Variants in CCDC169 observed in about 807,000 individuals in gnomAD.
CCDC169 encodes the protein coiled-coil domain containing 169.
CCDC169 carries 30 observed loss-of-function variants against 36.0 expected under a neutral mutation model. That is an observed-to-expected ratio of 0.83 (90% CI 0.62 to 1.13). The LOEUF (loss-of-function observed/expected upper bound fraction) is 1.13, where lower values mean the gene tolerates loss of function less well. CCDC169 is among the 50% of genes most tolerant of loss of function. The pLI, the probability that CCDC169 is intolerant of heterozygous loss-of-function variation, is 0.00. For synonymous variants in CCDC169, 85 were observed against 81.5 expected, an observed-to-expected ratio of 1.04 and a Z score of -0.23; for missense variants, 245 against 245.9, an observed-to-expected ratio of 1.00 and a Z score of 0.03.
chr13:36,290,708 A>T (rs1195018591), intron 2 of CCDC169, among the ~76,000 whole-genome samples: 1 of 152,200 alleles, frequency 6.6e-6, no homozygotes, highest in Non-Finnish European at 1.5e-5. Flanking sequence ...ACTCAACTTT[A>T]TAATCTTATT....
intron 7 of CCDC169, among the ~76,000 whole-genome samples, chr13:36,234,003 G>A (rs1870765757): frequency 6.6e-6 from 1 of 152,112 alleles, no homozygotes. Flanking sequence ...TTAAAAGTCT[G>A]AGAAGAAACA....
intron 4 of CCDC169, among the ~76,000 whole-genome samples, chr13:36,258,049 T>C (rs1594037606): frequency 6.6e-6 from 1 of 151,154 alleles, no homozygotes; most frequent in Admixed American, 6.6e-5. Flanking sequence ...GCTACTAGGG[T>C]GATTTTTTTG....
At chr13:36,241,398 AC>A (rs1366297717) in intron 7 of CCDC169, among the ~76,000 whole-genome samples, 1 of 152,144 alleles carries the variant, frequency 6.6e-6, no homozygotes, top group African/African-American at 2.4e-5. Flanking sequence ...ATTATTATTC[AC>A]TTCTTCCTTT....
At chr13:36,227,381 G>A, downstream of CCDC169, 1 of 1,542,762 alleles carries the variant, frequency 6.5e-7, no homozygotes, top group South Asian at 1.2e-5. Context: ...TTAAGAGGAG[G>A]CTGTTTGAAG....
At chr13:36,282,834 T>C (rs9315409) in intron 4 of CCDC169, 90,916 of 152,044 alleles carry the variant, frequency 0.6, 28,233 homozygotes, top group Non-Finnish European at 0.69. Context: ...GGTATTTTAC[T>C]AAGTCATACC....
chr13:36,278,488 C>T lies in CCDC169; in HGVS notation c.315+4981G>A, dbSNP rs186181448. Among the ~76,000 whole-genome samples, 8 of 152,248 alleles carry T rather than the reference C, an allele frequency of 5.3e-5. No individual in the cohort carries two copies. In the South Asian group the frequency reaches 1.7e-3, roughly 32 times the overall value. On this transcript the variant is annotated intron_variant, in intron 4 of 7. Coordinates refer to ENST00000239859, the MANE Select transcript of CCDC169 (RefSeq NM_001144981.3). ...AGCCTCTAATTGGCACTTCTTTCTT[C>T]GCTTTTGAATAATTTGCCTGAACTC...
At chr13:36,260,699 T>C (rs1369657609) in intron 4 of CCDC169, among the ~76,000 whole-genome samples, 3 of 152,198 alleles carry the variant, frequency 2.0e-5, no homozygotes, top group Non-Finnish European at 2.9e-5. Flanking sequence ...TCTCCTTTAG[T>C]GCCTATTCTA....
chr13:36,286,087 T>A (rs1878221016), intron 2 of CCDC169, among the ~76,000 whole-genome samples: 1 of 152,218 alleles, frequency 6.6e-6, no homozygotes, highest in African/African-American at 2.4e-5. Flanking sequence ...GGCCTGAGCC[T>A]GCCAGTCTGG....
intron 7 of CCDC169, among the ~76,000 whole-genome samples, chr13:36,232,939 A>T (rs1441435873): frequency 6.6e-6 from 1 of 152,154 alleles, no homozygotes; most frequent in Admixed American, 6.5e-5. Flanking sequence ...ATTTCTTGGA[A>T]TCTAGAAGCC....
chr13:36,282,470 G>C (rs777078609), intron 4 of CCDC169: 61 of 985,100 alleles, frequency 6.2e-5, no homozygotes, highest in Non-Finnish European at 7.0e-5. Flanking sequence ...TCTAATCTCT[G>C]CTGCTCAGAC....
intron 4 of CCDC169, among the ~76,000 whole-genome samples, chr13:36,266,198 T>A (rs1875284962): frequency 6.6e-6 from 1 of 152,154 alleles, no homozygotes; most frequent in African/African-American, 2.4e-5. Context: ...CTGTTCTTGC[T>A]TTTCTTTCTT....
intron 4 of CCDC169, among the ~76,000 whole-genome samples, chr13:36,269,661 T>C (rs1460369079): frequency 6.6e-6 from 1 of 151,924 alleles, no homozygotes; most frequent in Non-Finnish European, 1.5e-5. Flanking sequence ...AAAACAGAAT[T>C]AAAAACAAAA....
chr13:36,256,970 A>G (rs1005530538), intron 4 of CCDC169, among the ~76,000 whole-genome samples: 1 of 152,190 alleles, frequency 6.6e-6, no homozygotes, highest in African/African-American at 2.4e-5. Flanking sequence ...TGTGGCAGGC[A>G]GAGGTGCTCT....
chr13:36,287,086 C>A lies in CCDC169; in HGVS notation c.164-3384G>T, dbSNP rs74913362. Among the ~76,000 whole-genome samples, 512 of 152,208 alleles carry A rather than the reference C, an allele frequency of 3.4e-3. 15 individuals are homozygous for A. The highest frequency in any genetic ancestry group is 0.03 in the Admixed American group (465 of 15,284). On this transcript the variant is annotated intron_variant, in intron 2 of 7. Transcript: ENST00000239859. ...TTTGTGTACATTTTAAACTGACGGGCAAATTACAGCAAGAAAAATTTAGAG... is the reference window on the plus strand; with the variant it reads ...TTTGTGTACATTTTAAACTGACGGGAAAATTACAGCAAGAAAAATTTAGAG...
At chr13:36,230,737 T>A, downstream of CCDC169, 1 of 982,834 alleles carries the variant, frequency 1.0e-6, no homozygotes, top group Non-Finnish European at 1.2e-6. Context: ...TACGATACCA[T>A]AATATTTCAA....
chr13:36,273,829 G>A (rs190280817), intron 4 of CCDC169, among the ~76,000 whole-genome samples: 2 of 152,264 alleles, frequency 1.3e-5, no homozygotes, highest in East Asian at 3.9e-4. Context: ...TTCGTGCCTT[G>A]TCCTTCGTTC....
chr13:36,250,206 G>A (rs943348598), intron 6 of CCDC169, among the ~76,000 whole-genome samples: 6 of 152,114 alleles, frequency 3.9e-5, no homozygotes, highest in African/African-American at 1.2e-4. Flanking sequence ...GAATATTCTA[G>A]GTAAAAGTAA....
At chr13:36,277,713 G>A (rs1877001766) in intron 4 of CCDC169, among the ~76,000 whole-genome samples, 1 of 152,126 alleles carries the variant, frequency 6.6e-6, no homozygotes, top group Non-Finnish European at 1.5e-5. Flanking sequence ...TGTAATGGGA[G>A]GCTGAGGCAG....
chr13:36,222,334 T>G (rs985750682), downstream of CCDC169: 1 of 152,362 alleles, frequency 6.6e-6, no homozygotes, highest in African/African-American at 2.4e-5. Context: ...CTGAAGTGGC[T>G]GAAGTTGCAG....
Sources: allele counts gnomAD v4.1 joint callset (sites outside exome capture counted in the v4.1 genomes callset), GRCh38; gene constraint gnomAD v4.1.1; transcripts MANE v1.5; gene names NCBI Gene and HGNC (gene_info 2026-07-23, HGNC 2026-07-21).